CALU: variants seen among roughly 807,000 people sequenced by gnomAD.
CALU encodes IEF SSP 9302.
CALU carries 13 observed loss-of-function variants against 37.5 expected under a neutral mutation model. That is an observed-to-expected ratio of 0.35 (90% confidence interval 0.23 to 0.55). CALU has a LOEUF of 0.55. Among genes scored for constraint, CALU ranks in the 20% least tolerant of loss-of-function variants. The probability of loss-of-function intolerance (pLI) is 0.89; values close to 1 mark genes in which losing one functional copy is unlikely to be tolerated. For synonymous variants in CALU, 114 were observed against 133.8 expected (o/e 0.85, Z 1.02); for missense variants, 282 against 391.7 (o/e 0.72, Z 2.36).
intron 3 of CALU, among the ~76,000 whole-genome samples, chr7:128,756,938 G>A (rs749119851): frequency 6.6e-6 from 1 of 152,088 alleles, no homozygotes; most frequent in African/African-American, 2.4e-5. Flanking sequence ...AATTAGCCAG[G>A]AGTGGTAATA....
rs145667188 is a variant in CALU, at chr7:128,740,102, T to G, written c.-12+670T>G. 8.9e-3 allele frequency among the ~76,000 whole-genome samples: 1,353 copies of G among 152,352 alleles called. 6 individuals carry two copies. Among genetic ancestry groups the G allele is most frequent in the Non-Finnish European group, 0.014 (932 of 68,022 alleles). Reference sequence around the variant, plus strand: ...TAATTTTTGTTACGTTTTTTGTTGCTTCTAGCCCCATATCCTACTGATTTT... The same window carrying G: ...TAATTTTTGTTACGTTTTTTGTTGCGTCTAGCCCCATATCCTACTGATTTT... On this transcript the variant is annotated intron_variant, in intron 1 of 6. Transcript: ENST00000249364.
chr7:128,771,721 A>T lies in CALU; in HGVS notation c.*2554A>T, dbSNP rs1169636860. 3 of 152,262 alleles carry T rather than the reference A, an allele frequency of 2.0e-5. No homozygotes were observed. Among genetic ancestry groups the T allele is most frequent in the African/African-American group, 7.2e-5 (3 of 41,460 alleles). The allele number at this position is 152,262 out of a possible 1,614,324, so 9.4% of individuals were successfully genotyped here. A position where few individuals can be genotyped will look rare whatever the true frequency, so the allele number is the denominator to read the frequency against. ...TAACTGGAGAGACCTGCTGCTCGTTATATAATTATCTGATACCAAACACAA... is the reference window on the plus strand; with the variant it reads ...TAACTGGAGAGACCTGCTGCTCGTTTTATAATTATCTGATACCAAACACAA... On this transcript the variant is annotated 3_prime_UTR_variant, in exon 7 of 7. Coordinates refer to ENST00000249364, the MANE Select transcript of CALU (RefSeq NM_001219.5).
In CALU at chr7:128,755,160, T is replaced by A. The variant is rs552950787; in HGVS notation, c.415+705T>A. Reference sequence around the variant, plus strand: ...TCTCTACCAAAAAAAAAAAAAAAAATTTAAATTAGCCAAGCATGGTGGCAC... The same window carrying A: ...TCTCTACCAAAAAAAAAAAAAAAAAATTAAATTAGCCAAGCATGGTGGCAC... On this transcript the variant is annotated intron_variant, in intron 3 of 6. Transcript: ENST00000249364. Among the ~76,000 whole-genome samples the A allele has an allele frequency of 1.1e-3, 150 of 142,754 alleles. 6 individuals carry two copies. In the East Asian group the frequency reaches 0.027, roughly 26 times the overall value. 93.7% of individuals were successfully genotyped at this position (142,754 alleles called of 152,430 possible).
Position 128,767,527 on chromosome 7 carries a change from G to A in CALU, c.715G>A (p.Glu239Lys). 1.2e-6 allele frequency: 2 copies of A among 1,614,178 alleles called. No individual in the cohort carries two copies. Among genetic ancestry groups the A allele is most frequent in the Non-Finnish European group, 8.5e-7 (1 of 1,180,004 alleles). The change falls in exon 6 of 7, where the codon GAG (glutamate) becomes AAG (lysine). Residue 239 changes from glutamate to lysine, a missense_variant. Physicochemically the swap from Glu to Lys is moderately conservative, Grantham distance 56 (BLOSUM62 1). Coordinates refer to ENST00000249364, the MANE Select transcript of CALU (RefSeq NM_001219.5). ...WVKTEREQFVEFRDKNRDGKM... is the reference protein window; with the variant it reads ...WVKTEREQFVKFRDKNRDGKM... ...AAAGACAGAGCGAGAGCAGTTTGTT[G>A]AGTTTCGGGATAAGAACCGTGATGG... is the stretch of plus-strand genomic sequence containing the variant.
intron 1 of CALU, chr7:128,747,689 GTATC>G (rs1226339422): frequency 3.9e-5 from 6 of 151,976 alleles, no homozygotes; most frequent in African/African-American, 1.5e-4. Flanking sequence ...GTATCACGGG[GTATC>G]AGTAGAGTGT....
At chr7:128,747,060 G>C (rs1027356814) in intron 1 of CALU, among the ~76,000 whole-genome samples, 1 of 151,944 alleles carries the variant, frequency 6.6e-6, no homozygotes, top group African/African-American at 2.4e-5. Context: ...GAGCCACTGC[G>C]CCCGGCCCAT....
intron 6 of CALU, among the ~76,000 whole-genome samples, 172 bp from the exon 7 acceptor site, chr7:128,768,891 T>A (rs1801446519): frequency 6.8e-6 from 1 of 147,058 alleles, no homozygotes; most frequent in South Asian, 2.1e-4. Context: ...AATTGCTGTT[T>A]TCTTCCCTCT....
At position 128,767,532 on chromosome 7, in the gene CALU, T is replaced by G; in HGVS notation, c.720T>G (p.Phe240Leu). 6.2e-7 allele frequency: 1 copy of G among 1,614,136 alleles called. No individual in the cohort carries two copies. The highest frequency in any genetic ancestry group is 8.5e-7 in the Non-Finnish European group (1 of 1,179,984). ...VKTEREQFVE[F>L]RDKNRDGKMD... Reference sequence around the variant, plus strand: ...CAGAGCGAGAGCAGTTTGTTGAGTTTCGGGATAAGAACCGTGATGGGAAGA... The same window carrying G: ...CAGAGCGAGAGCAGTTTGTTGAGTTGCGGGATAAGAACCGTGATGGGAAGA... Residue 240 changes from phenylalanine to leucine, a missense_variant, in exon 6 of 7, where the codon TTT becomes TTG. Transcript: ENST00000249364.
At position 128,764,140 on chromosome 7, in the gene CALU, C is replaced by G. The variant is rs761756739; in HGVS notation, c.644-3316C>G. 5.3e-4 allele frequency among the ~76,000 whole-genome samples: 81 copies of G among 152,096 alleles called. 2 individuals are homozygous for G. The highest frequency in any genetic ancestry group is 1.2e-4 in the Non-Finnish European group (8 of 68,016). On this transcript the variant is annotated intron_variant, in intron 5 of 6. Coordinates refer to ENST00000249364, the MANE Select transcript of CALU (RefSeq NM_001219.5). ...TTTAAACAGTTGTAAAGAATAGTCT[C>G]TGTTGGGCCGGATGCCGTAGCTCAT...
rs926710590 is a variant in CALU, at chr7:128,772,478, T to C, written c.*3311T>C. 3.2e-5 allele frequency: 52 copies of C among 1,602,088 alleles called. 1 individual carries two copies. In the African/African-American group the frequency reaches 6.4e-4, roughly 20 times the overall value. On this transcript the variant is annotated 3_prime_UTR_variant, in exon 7 of 7. Coordinates refer to ENST00000249364, the MANE Select transcript of CALU (RefSeq NM_001219.5). Reference sequence around the variant, plus strand: ...GTAGTTTGGTTTCTGACGGAGACAATAGAAACTTACTTAAAAGTAAAATTT... The same window carrying C: ...GTAGTTTGGTTTCTGACGGAGACAACAGAAACTTACTTAAAAGTAAAATTT...
In CALU at chr7:128,770,982, A is replaced by G. The variant is rs1490769408; in HGVS notation, c.*1815A>G. 3 of 152,648 alleles carry G rather than the reference A, an allele frequency of 2.0e-5. No homozygotes were observed. Among genetic ancestry groups the G allele is most frequent in the African/African-American group, 7.2e-5 (3 of 41,460 alleles). The allele number at this position is 152,648 out of a possible 1,614,324, so 9.5% of individuals were successfully genotyped here. ...AATGTAACTTCACCCCAGCCTTTGTACTAAGCTCTTGATAGTGGATATACT... is the reference window on the plus strand; with the variant it reads ...AATGTAACTTCACCCCAGCCTTTGTGCTAAGCTCTTGATAGTGGATATACT... On this transcript the variant is annotated 3_prime_UTR_variant, in exon 7 of 7. Coordinates refer to ENST00000249364, the MANE Select transcript of CALU (RefSeq NM_001219.5).
Position 128,773,130 on chromosome 7 carries a change from T to G in CALU, c.*3963T>G, listed in dbSNP as rs748052675. Among the ~76,000 whole-genome samples the G allele has an allele frequency of 2.6e-5, 4 of 152,226 alleles. No individual in the cohort carries two copies. The highest frequency in any genetic ancestry group is 1.5e-5 in the Non-Finnish European group (1 of 68,026). On this transcript the variant is annotated 3_prime_UTR_variant, in exon 7 of 7. Coordinates refer to ENST00000249364, the MANE Select transcript of CALU (RefSeq NM_001219.5). ...TGGGATAGGAAATCCCCCAGTACCT[T>G]CAGATGATAAGATATTTTAGAGATT...
chr7:128,768,847 C>CAAAAAAAA (rs1012831963), intron 6 of CALU, among the ~76,000 whole-genome samples: 695 of 55,072 alleles, frequency 0.013, 69 homozygotes, highest in African/African-American at 0.04. Flanking sequence ...AACTCCGTCT[C>CAAAAAAAA]AAAAAAAAAA....
intron 5 of CALU, among the ~76,000 whole-genome samples, chr7:128,764,244 A>G (rs1419668751): frequency 2.6e-5 from 4 of 151,972 alleles, no homozygotes; most frequent in African/African-American, 7.2e-5. Flanking sequence ...CCTGGACAAC[A>G]TGGCGCAACC....
Position 128,771,598 on chromosome 7 carries a change from C to T in CALU, c.*2431C>T, listed in dbSNP as rs184569676. 488 of 152,594 alleles carry T rather than the reference C, an allele frequency of 3.2e-3. 1 individual carries two copies. The highest frequency in any genetic ancestry group is 5.2e-3 in the Admixed American group (79 of 15,294). 9.5% of individuals were successfully genotyped at this position (152,594 alleles called of 1,614,324 possible). A position where few individuals can be genotyped will look rare whatever the true frequency, so the allele number is the denominator to read the frequency against. On this transcript the variant is annotated 3_prime_UTR_variant, in exon 7 of 7. Transcript: ENST00000249364. The stretch of plus-strand genomic sequence containing the variant: ...CTCCCAAACTCAGAGACAGCACTGC[C>T]TTCTCCTAAATGATTATTCTTTTCT...
At chr7:128,757,358 AGTGTGTGTGTGTGTGTGTGTGT>A (rs10638444) in intron 3 of CALU, among the ~76,000 whole-genome samples, 1 of 146,092 alleles carries the variant, frequency 6.8e-6, no homozygotes, top group African/African-American at 2.5e-5. Context: ...TATGGCTTTG[AGTGTGTGTGTGTGTGTGTGTGT>A]GTGTGTGTGT....
intron 5 of CALU, among the ~76,000 whole-genome samples, chr7:128,760,533 A>G (rs553944988): frequency 6.6e-6 from 1 of 152,318 alleles, no homozygotes; most frequent in African/African-American, 2.4e-5. Context: ...CCACATTTCA[A>G]GTGCTTAATA....
chr7:128,748,217 C>T (rs893905015), intron 1 of CALU: 9 of 598,050 alleles, frequency 1.5e-5, no homozygotes, highest in Non-Finnish European at 2.3e-5. Flanking sequence ...GATTTGGAGT[C>T]AACATTTAAA....
intron 5 of CALU, among the ~76,000 whole-genome samples, chr7:128,763,076 A>C (rs1258101535): frequency 6.6e-6 from 1 of 152,182 alleles, no homozygotes; most frequent in East Asian, 1.9e-4. Flanking sequence ...CTTCCTTCTT[A>C]CTTTGAAGTA....
Sources: allele counts gnomAD v4.1 joint callset (sites outside exome capture counted in the v4.1 genomes callset), GRCh38; gene constraint gnomAD v4.1.1; transcripts MANE v1.5; gene names NCBI Gene and HGNC (gene_info 2026-07-23, HGNC 2026-07-21).